SH3D19: variants seen among roughly 807,000 people sequenced by gnomAD.
SH3D19 encodes SH3 domain-containing protein 19.
Under a neutral mutation model 112.1 loss-of-function variants are expected in SH3D19, and 58 were observed. The observed-to-expected ratio is 0.52, with a 90% confidence interval of 0.42 to 0.64. The LOEUF is 0.64. Ranked by LOEUF, SH3D19 falls within the 30% of genes least tolerant of loss-of-function variation. The probability of loss-of-function intolerance (pLI) is 0.00; values close to 1 mark genes in which losing one functional copy is unlikely to be tolerated. For synonymous variants in SH3D19, 391 were observed against 448.5 expected (o/e 0.87, Z 1.62); for missense variants, 1,090 against 1,263.4 (o/e 0.86, Z 2.08).
intron 1 of SH3D19, among the ~76,000 whole-genome samples, chr4:151,229,787 C>A (rs934254793): frequency 6.6e-6 from 1 of 152,052 alleles, no homozygotes; most frequent in African/African-American, 2.4e-5. Context: ...TGGTGGTGCA[C>A]GCCTGTAATC....
chr4:151,285,772 C>G (rs1774689910), intron 1 of SH3D19, among the ~76,000 whole-genome samples: 1 of 151,900 alleles, frequency 6.6e-6, no homozygotes. Context: ...GAGACTGGGG[C>G]AGGAGGATCC....
chr4:151,169,679 G>A (rs978601046), intron 7 of SH3D19, among the ~76,000 whole-genome samples: 2 of 152,168 alleles, frequency 1.3e-5, no homozygotes, highest in African/African-American at 4.8e-5. Flanking sequence ...GGGTACTCCA[G>A]ACACCACCAG....
At chr4:151,131,455 C>T in intron 17 of SH3D19, among the ~76,000 whole-genome samples, 1 of 148,592 alleles carries the variant, frequency 6.7e-6, no homozygotes, top group Non-Finnish European at 1.5e-5. Context: ...ATATTAGCCA[C>T]TTATGGTATC....
At chr4:151,263,138 A>G (rs919254612) in intron 1 of SH3D19, among the ~76,000 whole-genome samples, 5 of 151,630 alleles carry the variant, frequency 3.3e-5, no homozygotes, top group Non-Finnish European at 7.4e-5. Context: ...CCTAGTAAAC[A>G]AGATCCCCAG....
chr4:151,127,746 G>C, intron 18 of SH3D19, 31 bp from the exon 19 acceptor site: 1 of 1,302,140 alleles, frequency 7.7e-7, no homozygotes, highest in Non-Finnish European at 1.1e-6. Flanking sequence ...TAAATATATA[G>C]AAACACAGTG....
intron 1 of SH3D19, among the ~76,000 whole-genome samples, chr4:151,264,321 C>T (rs572001633): frequency 1.3e-5 from 2 of 151,384 alleles, no homozygotes; most frequent in African/African-American, 4.8e-5. Flanking sequence ...ATCCCAGCCA[C>T]CCGGGAGGCT....
intron 1 of SH3D19, chr4:151,291,015 A>G: frequency 1.2e-6 from 1 of 809,108 alleles, no homozygotes; most frequent in Non-Finnish European, 1.9e-6. Flanking sequence ...CCACAGCTCC[A>G]TGGGTCTCAT....
intron 9 of SH3D19, among the ~76,000 whole-genome samples, chr4:151,153,756 A>T (rs1755532761): frequency 6.6e-6 from 1 of 152,294 alleles, no homozygotes; most frequent in South Asian, 2.1e-4. Flanking sequence ...TGCATTTATT[A>T]TAGTACAGTA....
At chr4:151,248,898 A>T (rs989917873) in intron 1 of SH3D19, among the ~76,000 whole-genome samples, 3 of 151,874 alleles carry the variant, frequency 2.0e-5, no homozygotes, top group Non-Finnish European at 4.4e-5. Flanking sequence ...ATACTGATTA[A>T]TTTTTTTTTA....
chr4:151,250,685 CAGA>C (rs1771299490), intron 1 of SH3D19, among the ~76,000 whole-genome samples: 1 of 152,122 alleles, frequency 6.6e-6, no homozygotes, highest in South Asian at 2.1e-4. Context: ...CAGCAGGCAC[CAGA>C]AGAAGAGGAG....
chr4:151,199,985 T>A (rs776847992), intron 2 of SH3D19, among the ~76,000 whole-genome samples: 1 of 152,102 alleles, frequency 6.6e-6, no homozygotes, highest in Admixed American at 6.6e-5. Context: ...ATGAATGGGA[T>A]TAATGTTCTC....
At chr4:151,296,406 A>G (rs1775720100) in intron 1 of SH3D19, among the ~76,000 whole-genome samples, 1 of 152,218 alleles carries the variant, frequency 6.6e-6, no homozygotes, top group African/African-American at 2.4e-5. Flanking sequence ...AAAAAGATCA[A>G]TAAACATTTG....
intron 1 of SH3D19, chr4:151,290,990 G>GC (rs1775277200): frequency 1.6e-6 from 1 of 645,134 alleles, no homozygotes; most frequent in African/African-American, 1.8e-5. Flanking sequence ...GATTAGTCCA[G>GC]CCCCCTGCAG....
At chr4:151,282,894 A>T (rs1396938504) in intron 1 of SH3D19, among the ~76,000 whole-genome samples, 1 of 152,142 alleles carries the variant, frequency 6.6e-6, no homozygotes, top group Non-Finnish European at 1.5e-5. Flanking sequence ...ATTTAGAACA[A>T]TGGCTCAATT....
intron 1 of SH3D19, among the ~76,000 whole-genome samples, chr4:151,315,757 G>A (rs956151648): frequency 1.3e-5 from 2 of 151,956 alleles, no homozygotes; most frequent in African/African-American, 4.8e-5. Flanking sequence ...TCTGAGTACA[G>A]CCTGAACAAC....
In SH3D19 at chr4:151,319,151, C is replaced by T. The variant is rs565437957; in HGVS notation, c.112+6090G>A. ...CTGCAACATCCACCTCCCTAGCAAG[C>T]GATTCTCCTGCCTCAGGCTCCCGAG... On this transcript the variant is annotated intron_variant, in intron 1 of 19. Transcript: ENST00000604030. 2.6e-5 allele frequency among the ~76,000 whole-genome samples: 4 copies of T among 152,298 alleles called. No homozygotes were observed. The South Asian group carries it at 6.2e-4, about 24-fold the overall frequency.
chr4:151,175,623 C>A lies in SH3D19; in HGVS notation c.581G>T (p.Gly194Val). 12 of 1,312,538 alleles carry A rather than the reference C, an allele frequency of 9.1e-6. No homozygotes were observed. The highest frequency in any genetic ancestry group is 1.2e-5 in the Non-Finnish European group (12 of 1,037,020). 81.3% of individuals were successfully genotyped at this position (1,312,538 alleles called of 1,614,324 possible). Residue 194 changes from glycine (G) to valine (V), a missense_variant, in exon 7 of 20, where the codon GGC (glycine) becomes GTC (valine). Gly to Val is a moderately radical substitution (Grantham distance 109). Coordinates refer to ENST00000604030, the MANE Select transcript of SH3D19 (RefSeq NM_001378122.1). ...PLQPFSAVSS[G>V]NLPTNVAPLI... ...AGGTGCCACATTTGTTGGAAGATTGCCAGACGAGACTGCTGAGAAAGGCTG... is the reference window on the plus strand; with the variant it reads ...AGGTGCCACATTTGTTGGAAGATTGACAGACGAGACTGCTGAGAAAGGCTG...
intron 1 of SH3D19, among the ~76,000 whole-genome samples, chr4:151,227,461 T>C (rs180771343): frequency 1.3e-5 from 2 of 152,350 alleles, no homozygotes; most frequent in East Asian, 3.9e-4. Context: ...TGTTAGCACA[T>C]TTCTGGTTCC....
intron 1 of SH3D19, among the ~76,000 whole-genome samples, chr4:151,233,289 A>G (rs929607021): frequency 1.3e-5 from 2 of 152,124 alleles, no homozygotes; most frequent in African/African-American, 4.8e-5. Context: ...GATAAATGTA[A>G]TATGTTTGAA....
Sources: allele counts gnomAD v4.1 joint callset (sites outside exome capture counted in the v4.1 genomes callset), GRCh38; gene constraint gnomAD v4.1.1; transcripts MANE v1.5; gene names NCBI Gene and HGNC (gene_info 2026-07-23, HGNC 2026-07-21).